The following ABCB1 variants were observed in gnomAD, a reference collection of about 807,000 sequenced individuals.
ABCB1 encodes ATP-dependent translocase ABCB1.
Under a neutral mutation model 142.0 loss-of-function variants are expected in ABCB1, and 69 were observed. The observed-to-expected ratio is 0.49, with a 90% confidence interval of 0.40 to 0.59. ABCB1 has a LOEUF of 0.59. ABCB1 is among the 20% of genes least tolerant of loss of function. The pLI is 0.00. For synonymous variants in ABCB1, 532 were observed against 539.2 expected (o/e 0.99, Z 0.18); for missense variants, 1,326 against 1,554.7 (o/e 0.85, Z 2.47).
intron 1 of ABCB1, among the ~76,000 whole-genome samples, chr7:87,660,495 C>T (rs1585029056): frequency 6.6e-6 from 1 of 151,878 alleles, no homozygotes; most frequent in East Asian, 1.9e-4. Flanking sequence ...AAGTCTAAAA[C>T]GTTTTTAGTT....
At chr7:87,644,932 A>G (rs1822831404) in intron 1 of ABCB1, among the ~76,000 whole-genome samples, 1 of 152,026 alleles carries the variant, frequency 6.6e-6, no homozygotes, top group Non-Finnish European at 1.5e-5. Flanking sequence ...TCTATGAACT[A>G]TGGAAGGAAT....
chr7:87,678,405 T>C (rs191849282), intron 1 of ABCB1, among the ~76,000 whole-genome samples: 16 of 152,348 alleles, frequency 1.1e-4, no homozygotes, highest in Admixed American at 9.2e-4. Flanking sequence ...AAATGTTAAC[T>C]GTAGACTATT....
intron 7 of ABCB1, chr7:87,565,463 T>G (rs1315864634): frequency 2.2e-6 from 1 of 455,504 alleles, no homozygotes; most frequent in East Asian, 7.0e-5. Context: ...CCTCTCTGCC[T>G]TCATGACAGG....
intron 23 of ABCB1, among the ~76,000 whole-genome samples, 156 bp from the exon 24 acceptor site, chr7:87,516,821 T>C: frequency 6.8e-6 from 1 of 147,980 alleles, no homozygotes; most frequent in Non-Finnish European, 1.5e-5. Flanking sequence ...ACTAAAGATA[T>C]GATCTCCAGG....
chr7:87,690,537 A>T (rs1380067091), intron 1 of ABCB1, among the ~76,000 whole-genome samples: 3 of 152,198 alleles, frequency 2.0e-5, no homozygotes, highest in African/African-American at 7.2e-5. Context: ...AAGAAAAGTT[A>T]TATATAGTAC....
At chr7:87,640,190 G>A (rs1001792312) in intron 1 of ABCB1, among the ~76,000 whole-genome samples, 3 of 147,764 alleles carry the variant, frequency 2.0e-5, no homozygotes, top group Non-Finnish European at 3.0e-5. Context: ...ATATATATAT[G>A]TGTATATATA....
intron 1 of ABCB1, among the ~76,000 whole-genome samples, chr7:87,701,870 G>A (rs958740721): frequency 7.2e-5 from 11 of 152,094 alleles, no homozygotes; most frequent in African/African-American, 1.9e-4. Flanking sequence ...CTGGCCGGGC[G>A]CGGTGGCTCA....
At chr7:87,633,262 C>T (rs1004715661) in intron 1 of ABCB1, among the ~76,000 whole-genome samples, 3 of 152,186 alleles carry the variant, frequency 2.0e-5, no homozygotes, top group Non-Finnish European at 2.9e-5. Flanking sequence ...TTTAAGCGCA[C>T]AAGTTTAATC....
At chr7:87,578,171 G>C (rs1231403857) in intron 4 of ABCB1, among the ~76,000 whole-genome samples, 1 of 152,074 alleles carries the variant, frequency 6.6e-6, no homozygotes, top group Admixed American at 6.6e-5. Flanking sequence ...ATTTTTTGAA[G>C]AGACGGTCTT....
chr7:87,608,297 A>G (rs1037831135), intron 1 of ABCB1, among the ~76,000 whole-genome samples: 3 of 152,234 alleles, frequency 2.0e-5, no homozygotes, highest in African/African-American at 7.2e-5. Context: ...CAATCAGCTT[A>G]GTACCTGGAT....
chr7:87,553,983 G>A (rs373232590), intron 8 of ABCB1, 51 bp from the exon 9 acceptor site: 7 of 1,506,702 alleles, frequency 4.6e-6, no homozygotes, highest in South Asian at 2.3e-5. Flanking sequence ...AAAACATGTC[G>A]ATATAGCATG....
At chr7:87,660,668 G>A (rs1052914850) in intron 1 of ABCB1, among the ~76,000 whole-genome samples, 9 of 150,922 alleles carry the variant, frequency 6.0e-5, no homozygotes, top group Admixed American at 2.6e-4. Flanking sequence ...TATCTTCTTT[G>A]GCTCTATTAT....
In ABCB1 at chr7:87,505,985, C is replaced by T. The variant is rs754264039; in HGVS notation, c.3548G>A (p.Arg1183His). 5.6e-6 allele frequency: 9 copies of T among 1,613,958 alleles called. No individual in the cohort carries two copies. Among genetic ancestry groups the T allele is most frequent in the East Asian group, 2.2e-5 (1 of 44,886 alleles). Reference sequence around the variant, plus strand: ...AACAAGGGCACGAGCTATGGCAATGCGTTGTTTCTGGCCACCAGAGAGCTG... The same window carrying T: ...AACAAGGGCACGAGCTATGGCAATGTGTTGTTTCTGGCCACCAGAGAGCTG... ...GTQLSGGQKQ[R>H]IAIARALVRQ... The change falls in exon 27 of 28, where the codon CGC (arginine) becomes CAC (histidine). Residue 1183 changes from arginine to histidine, a missense_variant. Transcript: ENST00000622132.
intron 26 of ABCB1, 83 bp from the exon 27 acceptor site, chr7:87,506,126 T>C: frequency 7.2e-7 from 1 of 1,391,600 alleles, no homozygotes. Flanking sequence ...GGATAGACGA[T>C]TCTATATACT....
At chr7:87,638,229 TTTGCATATTTATTCATGG>T (rs1396469577) in intron 1 of ABCB1, among the ~76,000 whole-genome samples, 1 of 152,172 alleles carries the variant, frequency 6.6e-6, no homozygotes, top group Non-Finnish European at 1.5e-5. Flanking sequence ...TTTTGGGATT[TTTGCATATTTATTCATGG>T]TAGAGATTGG....
chr7:87,634,083 C>G (rs1490808333), intron 1 of ABCB1, among the ~76,000 whole-genome samples: 2 of 152,170 alleles, frequency 1.3e-5, no homozygotes, highest in East Asian at 3.9e-4. Context: ...TTTTTATCAA[C>G]CTACTCTTCT....
intron 1 of ABCB1, among the ~76,000 whole-genome samples, chr7:87,683,685 C>T (rs1341597556): frequency 6.6e-6 from 1 of 152,152 alleles, no homozygotes; most frequent in East Asian, 1.9e-4. Flanking sequence ...GATCACTCAT[C>T]ACAGTTCACC....
chr7:87,659,195 C>A, intron 1 of ABCB1: 1 of 425,738 alleles, frequency 2.3e-6, no homozygotes, highest in Non-Finnish European at 4.7e-6. Flanking sequence ...TTTGGAATAA[C>A]AGGAAGAAAG....
intron 1 of ABCB1, among the ~76,000 whole-genome samples, chr7:87,637,728 C>T (rs1345225223): frequency 2.0e-5 from 3 of 151,912 alleles, no homozygotes; most frequent in South Asian, 2.1e-4. Flanking sequence ...GTTGGTATAT[C>T]GATATAAATT....
Sources: gnomAD v4.1 joint callset for allele counts (sites outside exome capture counted in the v4.1 genomes callset) on GRCh38, gnomAD v4.1.1 for gene constraint, MANE v1.5 for transcripts, NCBI Gene and HGNC (gene_info 2026-07-23, HGNC 2026-07-21) for gene names.